Variants in RBFOX1 observed in about 807,000 individuals in gnomAD.
RBFOX1 encodes the protein RNA binding fox-1 homolog 1.
In RBFOX1, 8 loss-of-function variants were observed where a neutral mutation model predicts 57.7. The ratio of observed to expected loss-of-function variants is 0.14; its 90% CI spans 0.08 to 0.25. The LOEUF (loss-of-function observed/expected upper bound fraction) is 0.25, where lower values mean the gene tolerates loss of function less well. Ranked by LOEUF, RBFOX1 falls within the 10% of genes least tolerant of loss-of-function variation. The pLI is 1.00. For missense variants in RBFOX1, 611 were observed against 548.5 expected (o/e 1.11, Z -1.14); for synonymous variants, 326 against 222.4 (o/e 1.47, Z -4.15).
At chr16:5,548,617 C>G (rs1017892239) in intron 2 of RBFOX1, among the ~76,000 whole-genome samples, 2 of 151,536 alleles carry the variant, frequency 1.3e-5, no homozygotes, top group African/African-American at 2.4e-5. Flanking sequence ...CTCATCTACC[C>G]CATAAATATA....
chr16:7,103,344 G>T (rs980034132), intron 4 of RBFOX1, among the ~76,000 whole-genome samples: 1 of 152,154 alleles, frequency 6.6e-6, no homozygotes, highest in Non-Finnish European at 1.5e-5. Flanking sequence ...CTATTAAGGG[G>T]CAGGCATCGT....
chr16:6,195,059 C>T (rs187452607), intron 1 of RBFOX1, among the ~76,000 whole-genome samples: 30 of 152,164 alleles, frequency 2.0e-4, no homozygotes, highest in South Asian at 8.3e-4. Context: ...CTTTCAGATA[C>T]GGAATCAGAG....
In RBFOX1 at chr16:7,046,905, C is replaced by A. The variant is rs920226543; in HGVS notation, c.-15-5152C>A. Among the ~76,000 whole-genome samples, 13 of 152,120 alleles carry A rather than the reference C, an allele frequency of 8.5e-5. No homozygotes were observed. The East Asian group carries it at 2.5e-3, about 29-fold the overall frequency. ...ACAGGCGTGAGCCCCTGCGCCTGGCCTATATTTTGTTTAACTTCCGTATTG... is the reference window on the plus strand; with the variant it reads ...ACAGGCGTGAGCCCCTGCGCCTGGCATATATTTTGTTTAACTTCCGTATTG... On this transcript the variant is annotated intron_variant, in intron 3 of 15. Coordinates refer to ENST00000550418, the MANE Select transcript of RBFOX1 (RefSeq NM_018723.4).
At chr16:6,692,574 C>G (rs2060354147) in intron 3 of RBFOX1, among the ~76,000 whole-genome samples, 1 of 152,148 alleles carries the variant, frequency 6.6e-6, no homozygotes, top group Non-Finnish European at 1.5e-5. Context: ...CACCTACACT[C>G]TAGCAAAGCT....
intron 2 of RBFOX1, among the ~76,000 whole-genome samples, chr16:5,596,956 C>T (rs2047202554): frequency 6.6e-6 from 1 of 152,160 alleles, no homozygotes; most frequent in Non-Finnish European, 1.5e-5. Flanking sequence ...AGGAGGGGAA[C>T]AAACACATTT....
chr16:6,903,705 C>T (rs1471634472), intron 3 of RBFOX1, among the ~76,000 whole-genome samples: 1 of 152,042 alleles, frequency 6.6e-6, no homozygotes, highest in East Asian at 1.9e-4. Flanking sequence ...TTAAGGGCAG[C>T]AGAGCAAGCA....
At chr16:5,787,280 T>C (rs934262509) in intron 3 of RBFOX1, among the ~76,000 whole-genome samples, 1 of 152,174 alleles carries the variant, frequency 6.6e-6, no homozygotes, top group Non-Finnish European at 1.5e-5. Context: ...TGCTTGGGGA[T>C]CTGTTCATCA....
At chr16:6,393,915 C>G (rs1038061490) in intron 2 of RBFOX1, among the ~76,000 whole-genome samples, 1 of 152,300 alleles carries the variant, frequency 6.6e-6, no homozygotes, top group African/African-American at 2.4e-5. Context: ...GAATTATGAT[C>G]TCTCTCTGGA....
chr16:5,776,843 G>A (rs2054165340), intron 3 of RBFOX1, among the ~76,000 whole-genome samples: 4 of 152,212 alleles, frequency 2.6e-5, no homozygotes, highest in Admixed American at 2.6e-4. Context: ...GTGTGATGAT[G>A]GAAGTGTTCT....
chr16:5,294,778 C>G (rs1252528632), intron 1 of RBFOX1, among the ~76,000 whole-genome samples: 1 of 151,958 alleles, frequency 6.6e-6, no homozygotes, highest in African/African-American at 2.4e-5. Flanking sequence ...CGCCTGTAAT[C>G]CCAGCACTTT....
At chr16:6,225,752 C>G (rs2097412161) in intron 1 of RBFOX1, among the ~76,000 whole-genome samples, 1 of 152,178 alleles carries the variant, frequency 6.6e-6, no homozygotes, top group African/African-American at 2.4e-5. Flanking sequence ...TCATAACCAG[C>G]TTTAACAAAA....
chr16:5,472,546 G>A (rs1391678967), intron 2 of RBFOX1, among the ~76,000 whole-genome samples: 3 of 152,100 alleles, frequency 2.0e-5, no homozygotes, highest in African/African-American at 7.2e-5. Flanking sequence ...GGGGTCAGGA[G>A]GGTCCGTGTG....
intron 4 of RBFOX1, among the ~76,000 whole-genome samples, chr16:7,065,983 CAAAT>C (rs1252064044): frequency 6.6e-6 from 1 of 151,732 alleles, no homozygotes; most frequent in Non-Finnish European, 1.5e-5. Flanking sequence ...CAGAGAATAA[CAAAT>C]AAATAACAAC....
intron 2 of RBFOX1, among the ~76,000 whole-genome samples, chr16:5,550,930 A>G (rs2045437071): frequency 6.6e-6 from 1 of 152,178 alleles, no homozygotes; most frequent in Non-Finnish European, 1.5e-5. Context: ...AGAGTCTTGG[A>G]AACCACAGCT....
intron 2 of RBFOX1, among the ~76,000 whole-genome samples, chr16:5,482,292 C>G (rs1038759454): frequency 6.6e-6 from 1 of 152,284 alleles, no homozygotes; most frequent in South Asian, 2.1e-4. Context: ...CAGTTTCTTG[C>G]ATGCTGAAGG....
intron 4 of RBFOX1, among the ~76,000 whole-genome samples, chr16:7,467,964 G>T (rs1445908076): frequency 6.6e-6 from 1 of 152,208 alleles, no homozygotes; most frequent in Non-Finnish European, 1.5e-5. Context: ...TGCTAAGAGG[G>T]AAAACCTTTA....
chr16:6,257,422 C>CT (rs2097674933), intron 1 of RBFOX1, among the ~76,000 whole-genome samples: 1 of 150,578 alleles, frequency 6.6e-6, no homozygotes, highest in African/African-American at 2.4e-5. Context: ...TCTTCTTCTT[C>CT]TTTTTTTTTA....
intron 1 of RBFOX1, among the ~76,000 whole-genome samples, chr16:6,111,946 A>G (rs1282600848): frequency 6.6e-6 from 1 of 152,200 alleles, no homozygotes; most frequent in African/African-American, 2.4e-5. Context: ...GGACTTAAGA[A>G]ACATATGCTA....
At chr16:7,529,104 T>A (rs1464781559) in intron 5 of RBFOX1, among the ~76,000 whole-genome samples, 3 of 151,876 alleles carry the variant, frequency 2.0e-5, no homozygotes, top group Non-Finnish European at 4.4e-5. Context: ...ACACAAAAAG[T>A]ACAAAAATTA....
Sources: gnomAD v4.1 joint callset for allele counts (sites outside exome capture counted in the v4.1 genomes callset) on GRCh38, gnomAD v4.1.1 for gene constraint, MANE v1.5 for transcripts, NCBI Gene and HGNC (gene_info 2026-07-23, HGNC 2026-07-21) for gene names.